Variants in SSBP2 observed in about 807,000 individuals in gnomAD.
SSBP2 encodes the protein single stranded DNA binding protein 2, also known as single-stranded DNA-binding protein 2.
Under a neutral mutation model 61.8 loss-of-function variants are expected in SSBP2, and 17 were observed. The observed-to-expected ratio is 0.28, with a 90% confidence interval of 0.19 to 0.41. The LOEUF (loss-of-function observed/expected upper bound fraction) is 0.41. Ranked by LOEUF, SSBP2 falls within the 10% of genes least tolerant of loss-of-function variation. The probability of loss-of-function intolerance (pLI) is 1.00; values close to 1 mark genes in which losing one functional copy is unlikely to be tolerated. For missense variants in SSBP2, 310 were observed against 458.7 expected (o/e 0.68, Z 2.96); for synonymous variants, 139 against 141.3 (o/e 0.98, Z 0.12).
chr5:81,460,904 T>C (rs1764491615), intron 10 of SSBP2, 151 bp downstream of exon 10: 2 of 401,872 alleles, frequency 5.0e-6, no homozygotes, highest in Non-Finnish European at 8.6e-6. Flanking sequence ...TATGCATCTT[T>C]TTCTAAAATT....
intron 1 of SSBP2, among the ~76,000 whole-genome samples, chr5:81,676,772 CTAGT>C (rs1388945047): frequency 6.6e-6 from 1 of 152,014 alleles, no homozygotes; most frequent in African/African-American, 2.4e-5. Context: ...AGTATAGTAG[CTAGT>C]TATTTTAGAA....
chr5:81,457,492 A>C (rs1764239987), intron 10 of SSBP2, among the ~76,000 whole-genome samples: 1 of 152,192 alleles, frequency 6.6e-6, no homozygotes, highest in South Asian at 2.1e-4. Context: ...GAGGATACCT[A>C]CTGTACATTC....
chr5:81,529,136 G>T (rs1184069972), intron 4 of SSBP2, among the ~76,000 whole-genome samples: 2 of 151,982 alleles, frequency 1.3e-5, no homozygotes, highest in Non-Finnish European at 1.5e-5. Flanking sequence ...GAAAAAGAAA[G>T]AAATTATTAT....
At chr5:81,721,749 C>A (rs1220727553) in intron 1 of SSBP2, among the ~76,000 whole-genome samples, 1 of 152,098 alleles carries the variant, frequency 6.6e-6, no homozygotes, top group East Asian at 1.9e-4. Flanking sequence ...TATGAGATCA[C>A]AGACATGACA....
In SSBP2 at chr5:81,747,693, A is replaced by G. The variant is rs954773032; in HGVS notation, c.62+3288T>C. Among the ~76,000 whole-genome samples, 5 of 152,182 alleles carry G rather than the reference A, an allele frequency of 3.3e-5. 1 individual carries two copies. Among genetic ancestry groups the G allele is most frequent in the African/African-American group, 9.6e-5 (4 of 41,462 alleles). On this transcript the variant is annotated intron_variant, in intron 1 of 16. Coordinates refer to ENST00000320672, the MANE Select transcript of SSBP2 (RefSeq NM_012446.5). Reference sequence around the variant, plus strand: ...ATAATTTATTGATGCTTTTGGTATTAGAAGGCACCTTAATGTTCAAGATAC... The same window carrying G: ...ATAATTTATTGATGCTTTTGGTATTGGAAGGCACCTTAATGTTCAAGATAC...
At chr5:81,431,480 T>C (rs1049486351) in intron 15 of SSBP2, among the ~76,000 whole-genome samples, 3 of 151,276 alleles carry the variant, frequency 2.0e-5, no homozygotes, top group Non-Finnish European at 4.4e-5. Flanking sequence ...CACACACACA[T>C]ATATGCACAC....
intron 1 of SSBP2, among the ~76,000 whole-genome samples, chr5:81,729,108 A>G (rs1581433497): frequency 6.6e-6 from 1 of 152,184 alleles, no homozygotes; most frequent in East Asian, 1.9e-4. Context: ...ATAAATGTAT[A>G]TAATTATTTT....
intron 1 of SSBP2, among the ~76,000 whole-genome samples, chr5:81,734,058 A>G (rs1756438275): frequency 6.6e-6 from 1 of 152,210 alleles, no homozygotes; most frequent in African/African-American, 2.4e-5. Flanking sequence ...GGACAAAAGG[A>G]TGACATTTTC....
At chr5:81,513,536 ATT>A in intron 5 of SSBP2, 90 bp downstream of exon 5, 1 of 786,654 alleles carries the variant, frequency 1.3e-6, no homozygotes, top group Non-Finnish European at 2.1e-6. Context: ...TACCTTAAAA[ATT>A]AAAATAGCCT....
chr5:81,492,110 A>G (rs529029366), intron 5 of SSBP2, among the ~76,000 whole-genome samples: 3 of 152,332 alleles, frequency 2.0e-5, no homozygotes, highest in Admixed American at 2.0e-4. Flanking sequence ...TTTATGGTAA[A>G]ATGCTAATCT....
chr5:81,732,271 C>T (rs1221951097), intron 1 of SSBP2, among the ~76,000 whole-genome samples: 1 of 152,008 alleles, frequency 6.6e-6, no homozygotes, highest in Non-Finnish European at 1.5e-5. Flanking sequence ...AAGTGGTATT[C>T]CATGATCTAT....
At chr5:81,520,782 T>C (rs1174270887) in intron 4 of SSBP2, among the ~76,000 whole-genome samples, 3 of 152,132 alleles carry the variant, frequency 2.0e-5, no homozygotes, top group Non-Finnish European at 4.4e-5. Context: ...TTCAAATATA[T>C]ATACAATGCC....
chr5:81,448,250 C>T (rs905554643), intron 11 of SSBP2, among the ~76,000 whole-genome samples: 1 of 152,092 alleles, frequency 6.6e-6, no homozygotes, highest in African/African-American at 2.4e-5. Flanking sequence ...AATTTGACTT[C>T]ACATTGACAT....
intron 4 of SSBP2, among the ~76,000 whole-genome samples, chr5:81,606,812 A>G (rs1744923556): frequency 6.6e-6 from 1 of 152,226 alleles, no homozygotes; most frequent in Non-Finnish European, 1.5e-5. Flanking sequence ...ATCAGTGGTT[A>G]TATTCCTGGT....
At chr5:81,510,433 C>G (rs1466595391) in intron 5 of SSBP2, among the ~76,000 whole-genome samples, 1 of 152,148 alleles carries the variant, frequency 6.6e-6, no homozygotes, top group Non-Finnish European at 1.5e-5. Context: ...CCCATACTTA[C>G]CATCCCACTA....
At chr5:81,575,879 A>T (rs758434593) in intron 4 of SSBP2, among the ~76,000 whole-genome samples, 2 of 152,178 alleles carry the variant, frequency 1.3e-5, no homozygotes, top group Non-Finnish European at 2.9e-5. Flanking sequence ...AGATGCTGGG[A>T]TAGTGTTCTA....
chr5:81,538,152 G>C, intron 4 of SSBP2, among the ~76,000 whole-genome samples: 1 of 152,156 alleles, frequency 6.6e-6, no homozygotes, highest in Admixed American at 6.5e-5. Context: ...AAAAGTTCTT[G>C]AAGGAAATTA....
At chr5:81,560,063 T>A (rs1449307755) in intron 4 of SSBP2, among the ~76,000 whole-genome samples, 1 of 152,078 alleles carries the variant, frequency 6.6e-6, no homozygotes, top group East Asian at 1.9e-4. Context: ...CCCAGAAAAA[T>A]AAACTTTAAC....
chr5:81,493,607 T>A (rs1767058671), intron 5 of SSBP2, among the ~76,000 whole-genome samples: 1 of 152,132 alleles, frequency 6.6e-6, no homozygotes, highest in African/African-American at 2.4e-5. Context: ...ATACAAAAAA[T>A]TAGCCAGATG....
Sources: gnomAD v4.1 joint callset for allele counts (sites outside exome capture counted in the v4.1 genomes callset) on GRCh38, gnomAD v4.1.1 for gene constraint, MANE v1.5 for transcripts, NCBI Gene and HGNC (gene_info 2026-07-23, HGNC 2026-07-21) for gene names.